The following ASH1L variants were observed in gnomAD, a reference collection of about 807,000 sequenced individuals.
The protein encoded by ASH1L is ASH1 like histone lysine methyltransferase.
A neutral mutation model predicts 269.0 loss-of-function variants in ASH1L; 23 were observed. That is an observed-to-expected ratio of 0.09 (90% CI 0.06 to 0.12). ASH1L has a LOEUF of 0.12. Ranked by LOEUF, ASH1L falls within the 10% of genes least tolerant of loss-of-function variation. ASH1L has a pLI of 1.00. For missense variants in ASH1L, 2,912 were observed against 3,567.8 expected (o/e 0.82, Z 4.68); for synonymous variants, 1,187 against 1,253.5 (o/e 0.95, Z 1.12).
rs139685489 is a variant in ASH1L, at chr1:155,500,759, A to G, written c.421-18310T>C. On this transcript the variant is annotated intron_variant, in intron 2 of 27. Transcript: ENST00000392403. ...CTAGGCGTGCAGATCACTTGAGGCC[A>G]GGAGTTTGATACCAAACTGGTCAAC... Among the ~76,000 whole-genome samples the G allele has an allele frequency of 3.3e-5, 5 of 152,314 alleles. No individual in the cohort carries two copies. In the East Asian group the frequency reaches 9.7e-4, roughly 29 times the overall value.
intron 5 of ASH1L, among the ~76,000 whole-genome samples, chr1:155,437,961 T>C (rs1488179798): frequency 6.6e-6 from 1 of 152,112 alleles, no homozygotes; most frequent in Non-Finnish European, 1.5e-5. Flanking sequence ...CAATTCTCCC[T>C]CCTCAGCCTC....
At chr1:155,530,142 T>C (rs1228523205) in intron 1 of ASH1L, among the ~76,000 whole-genome samples, 2 of 152,012 alleles carry the variant, frequency 1.3e-5, no homozygotes, top group Non-Finnish European at 2.9e-5. Flanking sequence ...TAAACGTAAT[T>C]TTACAGAAGA....
intron 6 of ASH1L, among the ~76,000 whole-genome samples, chr1:155,397,445 C>T (rs563941399): frequency 4.9e-4 from 73 of 149,686 alleles, no homozygotes; most frequent in Non-Finnish European, 9.4e-4. Context: ...TGCAGTGAGC[C>T]GAGATTGTGC....
intron 4 of ASH1L, among the ~76,000 whole-genome samples, chr1:155,447,708 A>T (rs1365757006): frequency 1.3e-5 from 2 of 152,124 alleles, no homozygotes; most frequent in African/African-American, 4.8e-5. Context: ...TTTTAAACAG[A>T]TTATTAGACT....
At chr1:155,490,990 AAAAAAAAAAAAAAAAAAAAAAAAAG>A (rs1374345177) in intron 2 of ASH1L, among the ~76,000 whole-genome samples, 1 of 67,648 alleles carries the variant, frequency 1.5e-5, no homozygotes, top group African/African-American at 5.6e-5. Context: ...AAAAAAAAAA[AAAAAAAAAAAAAAAAAAAAAAAAAG>A]ACTTCCTATT....
At chr1:155,362,378 G>A (rs1234610695) in intron 12 of ASH1L, among the ~76,000 whole-genome samples, 1 of 150,376 alleles carries the variant, frequency 6.6e-6, no homozygotes, top group Admixed American at 6.7e-5. Flanking sequence ...GGGCAACATA[G>A]TGAGACCTTA....
At chr1:155,387,139 A>C (rs1657505494) in intron 7 of ASH1L, among the ~76,000 whole-genome samples, 1 of 152,026 alleles carries the variant, frequency 6.6e-6, no homozygotes, top group Non-Finnish European at 1.5e-5. Flanking sequence ...ACACCCAGCT[A>C]ATTTTTGCAT....
intron 1 of ASH1L, among the ~76,000 whole-genome samples, chr1:155,533,732 A>C (rs1669850218): frequency 1.3e-5 from 2 of 151,916 alleles, no homozygotes; most frequent in Non-Finnish European, 1.5e-5. Context: ...AAAAAAAAAA[A>C]AGAAAAGATC....
chr1:155,357,402 A>T lies in ASH1L; in HGVS notation c.6969T>A (p.His2323Gln). ...TATTTTCACTGGGTTCCTCAGAGAG[A>T]TGGCCTCTCTGAAAAAGAGATGGAT... ...SKHKLKKRRG[H>Q]LSEEPSENIN... Residue 2323 changes from histidine (H) to glutamine (Q), a missense_variant, in exon 15 of 28, where the codon CAT (histidine) becomes CAA (glutamine). Physicochemically the swap from His to Gln is conservative, Grantham distance 24. Around this residue, in one of 13 missense-constraint regions of ASH1L, gnomAD observed 309 missense variants for 435.1 expected, o/e 0.71. Transcript: ENST00000392403. 1 of 1,611,978 alleles carries T rather than the reference A, an allele frequency of 6.2e-7. No homozygotes were observed. Among genetic ancestry groups the T allele is most frequent in the Non-Finnish European group, 8.5e-7 (1 of 1,178,192 alleles).
intron 1 of ASH1L, among the ~76,000 whole-genome samples, chr1:155,546,644 G>A (rs986453085): frequency 2.0e-5 from 3 of 151,676 alleles, no homozygotes; most frequent in Admixed American, 2.0e-4. Context: ...TGTAGTCCCA[G>A]CTACTCGGGA....
At chr1:155,554,723 A>C (rs376387989) in intron 1 of ASH1L, among the ~76,000 whole-genome samples, 28 of 152,334 alleles carry the variant, frequency 1.8e-4, no homozygotes, top group African/African-American at 6.7e-4. Flanking sequence ...ACAAAAAAAA[A>C]CACTGTATGT....
chr1:155,451,764 T>C (rs2148656644), intron 4 of ASH1L, among the ~76,000 whole-genome samples: 1 of 152,030 alleles, frequency 6.6e-6, no homozygotes, highest in East Asian at 1.9e-4. Context: ...CTCCATCTCC[T>C]AGGCTGGAGT....
At chr1:155,489,582 C>T (rs1005486749) in intron 2 of ASH1L, among the ~76,000 whole-genome samples, 16 of 151,164 alleles carry the variant, frequency 1.1e-4, no homozygotes, top group African/African-American at 3.6e-4. Flanking sequence ...CACAGTGAAA[C>T]CCCGTCTTTA....
chr1:155,517,053 T>A (rs1483083853), intron 2 of ASH1L, among the ~76,000 whole-genome samples: 1 of 152,138 alleles, frequency 6.6e-6, no homozygotes, highest in Non-Finnish European at 1.5e-5. Flanking sequence ...TCAATGTAAT[T>A]TCTATCAAAA....
intron 5 of ASH1L, chr1:155,433,605 T>G: frequency 6.2e-7 from 1 of 1,610,106 alleles, no homozygotes. Flanking sequence ...ATCAAAGCTC[T>G]GCAGAAAGAA....
At chr1:155,431,785 T>C (rs1661628860) in intron 5 of ASH1L, among the ~76,000 whole-genome samples, 1 of 151,886 alleles carries the variant, frequency 6.6e-6, no homozygotes, top group South Asian at 2.1e-4. Context: ...AAACAAACAG[T>C]TCTTTGTAGA....
rs1553265154 is a variant in ASH1L, at chr1:155,479,032, G to T, written c.3838C>A (p.Arg1280=). The change falls in exon 3 of 28, where the codon CGA becomes AGA. Residue 1280 remains arginine (R), a synonymous_variant. Coordinates refer to ENST00000392403, the MANE Select transcript of ASH1L (RefSeq NM_018489.3). ...RKRKKKYPQL[R]NRQDPDFIAE... is the part of the protein sequence containing the mutation. ...ATAAAGTCTGGATCCTGTCTATTTCGAAGCTGGGGATATTTCTTTTTCCGT... is the reference window on the plus strand; with the variant it reads ...ATAAAGTCTGGATCCTGTCTATTTCTAAGCTGGGGATATTTCTTTTTCCGT... 6.2e-7 allele frequency: 1 copy of T among 1,613,772 alleles called. No individual in the cohort carries two copies. Among genetic ancestry groups the T allele is most frequent in the Non-Finnish European group, 8.5e-7 (1 of 1,180,018 alleles).
At chr1:155,523,594 G>C (rs142088217) in intron 1 of ASH1L, among the ~76,000 whole-genome samples, 1 of 152,330 alleles carries the variant, frequency 6.6e-6, no homozygotes, top group East Asian at 1.9e-4. Context: ...GTACTGGCCG[G>C]GTATGGTGTC....
intron 1 of ASH1L, among the ~76,000 whole-genome samples, chr1:155,556,858 C>T (rs1053678423): frequency 4.6e-5 from 7 of 152,120 alleles, no homozygotes; most frequent in East Asian, 1.9e-4. Flanking sequence ...GGGGGCAACA[C>T]GGTGAGACTC....
Sources: allele counts gnomAD v4.1 joint callset (sites outside exome capture counted in the v4.1 genomes callset), GRCh38; gene constraint gnomAD v4.1.1; regional missense constraint gnomAD v4.1.1; transcripts MANE v1.5; gene names NCBI Gene and HGNC (gene_info 2026-07-23, HGNC 2026-07-21).